SENP2: variants seen among roughly 807,000 people sequenced by gnomAD.
The protein encoded by SENP2 is sentrin-specific protease 2.
A neutral mutation model predicts 86.3 loss-of-function variants in SENP2; 16 were observed. That is an observed-to-expected ratio of 0.19 (90% confidence interval 0.13 to 0.28). The LOEUF (loss-of-function observed/expected upper bound fraction) is 0.28. Among genes scored for constraint, SENP2 ranks in the 10% least tolerant of loss-of-function variants. The probability of loss-of-function intolerance (pLI) is 1.00; values close to 1 mark genes in which losing one functional copy is unlikely to be tolerated. For missense variants in SENP2, 552 were observed against 703.0 expected (o/e 0.79, Z 2.43); for synonymous variants, 222 against 238.7 (o/e 0.93, Z 0.64).
In SENP2 at chr3:185,587,570, A is replaced by ATTTTTTTTTTTTTT. The variant is rs398052522; in HGVS notation, c.101+1057_101+1070dup. On this transcript the variant is annotated intron_variant, in intron 1 of 16. Transcript: ENST00000296257. ...CTTCAACTTTAGTGATCAAGTGTTAATTTTTTTTTTTTTTGAGAAGGAGTC... is the reference window on the plus strand; with the variant it reads ...CTTCAACTTTAGTGATCAAGTGTTAATTTTTTTTTTTTTTTTTTTTTTTTTTTTGAGAAGGAGTC... Among the ~76,000 whole-genome samples, 53 of 118,820 alleles carry ATTTTTTTTTTTTTT rather than the reference A, an allele frequency of 4.5e-4. 2 individuals carry two copies. The highest frequency in any genetic ancestry group is 1.1e-3 in the African/African-American group (36 of 31,726). 78.0% of individuals were successfully genotyped at this position (118,820 alleles called of 152,430 possible).
intron 5 of SENP2, among the ~76,000 whole-genome samples, chr3:185,601,264 C>T (rs1722335995): frequency 6.6e-6 from 1 of 151,838 alleles, no homozygotes; most frequent in South Asian, 2.1e-4. Flanking sequence ...AGGCTGGTCT[C>T]GAACTCCTGA....
intron 1 of SENP2, among the ~76,000 whole-genome samples, chr3:185,587,750 TTTGAGACAGAGTCTCA>T: frequency 7.0e-6 from 1 of 143,796 alleles, no homozygotes. Flanking sequence ...TTTTTTTTTT[TTTGAGACAGAGTCTCA>T]TTTTGTTGCC....
At chr3:185,628,773 T>G (rs1354410596) in intron 16 of SENP2, among the ~76,000 whole-genome samples, 1 of 152,220 alleles carries the variant, frequency 6.6e-6, no homozygotes, top group African/African-American at 2.4e-5. Context: ...CCCAAAGTGC[T>G]GGGATTACAG....
chr3:185,621,552 A>T (rs1451109942), intron 13 of SENP2, among the ~76,000 whole-genome samples: 1 of 151,510 alleles, frequency 6.6e-6, no homozygotes, highest in Non-Finnish European at 1.5e-5. Flanking sequence ...ATCATGCCCG[A>T]CTAATTTTTG....
intron 2 of SENP2, among the ~76,000 whole-genome samples, chr3:185,595,138 A>G (rs1193597053): frequency 6.6e-6 from 1 of 152,098 alleles, no homozygotes; most frequent in East Asian, 1.9e-4. Context: ...TCTGTTTTTT[A>G]AAAAAATCAG....
intron 15 of SENP2, 115 bp downstream of exon 15, chr3:185,624,197 ATCTTTTTTTTTCTTTCTT>A: frequency 1.6e-6 from 1 of 626,790 alleles, no homozygotes; most frequent in South Asian, 2.3e-5. Context: ...TAAAGTACAC[ATCTTTTTTTTTCTTTCTT>A]TCTTTTTTGT....
In SENP2 at chr3:185,606,384, C is replaced by T. The variant is rs753657337; in HGVS notation, c.504C>T (p.Ser168=). The T allele has an allele frequency of 6.2e-7, 1 of 1,613,478 alleles. No individual in the cohort carries two copies. The highest frequency in any genetic ancestry group is 8.5e-7 in the Non-Finnish European group (1 of 1,179,842). Residue 168 remains serine (S), a synonymous_variant, in exon 6 of 17, where the codon AGC becomes AGT. Transcript: ENST00000296257. ...GAAGACCAGGTGGCCGTCGCCATAG[C>T]AAAGGTAATCCAGAGAGTTCTTTAA... ...CNRRPGGRRH[S]KGNPESSLMW...
chr3:185,616,541 C>T (rs1450788710), intron 11 of SENP2, among the ~76,000 whole-genome samples: 6 of 151,372 alleles, frequency 4.0e-5, no homozygotes, highest in Admixed American at 2.6e-4. Flanking sequence ...TTTGGGAGGC[C>T]GAGATGGGCA....
At chr3:185,605,985 T>C (rs1268526501) in intron 5 of SENP2, among the ~76,000 whole-genome samples, 2 of 152,124 alleles carry the variant, frequency 1.3e-5, no homozygotes, top group Non-Finnish European at 2.9e-5. Flanking sequence ...ATACCAGTAA[T>C]GAATTTCAGT....
chr3:185,586,909 C>T lies in SENP2; in HGVS notation c.101+395C>T, dbSNP rs962577651. ...AGTGAGATTCATAGCTTGCCCAAAG[C>T]CGTTTTGACTGCAAGTACTGTCCTT... On this transcript the variant is annotated intron_variant, in intron 1 of 16. Coordinates refer to ENST00000296257, the MANE Select transcript of SENP2 (RefSeq NM_021627.3). The surrounding 1 kb of genome is among the most constrained non-coding windows in gnomAD (Gnocchi z 4.3). Among the ~76,000 whole-genome samples, 2 of 152,170 alleles carry T rather than the reference C, an allele frequency of 1.3e-5. No individual in the cohort carries two copies. Among genetic ancestry groups the T allele is most frequent in the Non-Finnish European group, 2.9e-5 (2 of 68,036 alleles).
At chr3:185,614,916 A>T (rs1303455716) in intron 11 of SENP2, among the ~76,000 whole-genome samples, 176 bp downstream of exon 11, 1 of 152,218 alleles carries the variant, frequency 6.6e-6, no homozygotes, top group African/African-American at 2.4e-5. Context: ...GTGAGGCATG[A>T]TCATTAGTGG....
chr3:185,586,901 G>A lies in SENP2; in HGVS notation c.101+387G>A, dbSNP rs1285579605. 2.0e-5 allele frequency among the ~76,000 whole-genome samples: 3 copies of A among 152,144 alleles called. No individual in the cohort carries two copies. On this transcript the variant is annotated intron_variant, in intron 1 of 16. Transcript: ENST00000296257. The surrounding 1 kb of genome is among the most constrained non-coding windows in gnomAD (Gnocchi z 4.3). ...GCAGTTGAAGTGAGATTCATAGCTT[G>A]CCCAAAGCCGTTTTGACTGCAAGTA...
chr3:185,626,156 A>T, intron 15 of SENP2, 142 bp from the exon 16 acceptor site: 1 of 602,244 alleles, frequency 1.7e-6, no homozygotes, highest in South Asian at 2.1e-5. Context: ...TGTTTTTTGT[A>T]TATGACTGTG....
At chr3:185,617,893 G>GTGATAC (rs1560199145) in intron 12 of SENP2, among the ~76,000 whole-genome samples, 1 of 152,146 alleles carries the variant, frequency 6.6e-6, no homozygotes, top group African/African-American at 2.4e-5. Context: ...GAAGCAGCAA[G>GTGATAC]TGATACTGTA....
chr3:185,617,994 G>T (rs765693256), intron 12 of SENP2, among the ~76,000 whole-genome samples: 1 of 152,150 alleles, frequency 6.6e-6, no homozygotes, highest in Non-Finnish European at 1.5e-5. Flanking sequence ...GTCCAGGCTG[G>T]AGTGCAATGG....
chr3:185,611,268 C>G (rs140895855), intron 7 of SENP2, among the ~76,000 whole-genome samples: 1 of 152,384 alleles, frequency 6.6e-6, no homozygotes, highest in East Asian at 1.9e-4. Flanking sequence ...CAGTGCGAGA[C>G]TCCGTCTCAA....
intron 4 of SENP2, 66 bp from the exon 5 acceptor site, chr3:185,600,699 T>C (rs1722316769): frequency 1.9e-6 from 2 of 1,069,492 alleles, no homozygotes; most frequent in South Asian, 2.7e-5. Context: ...ATTTTTTTTC[T>C]TTCCTTATGC....
chr3:185,601,083 T>C (rs917803426), intron 5 of SENP2, among the ~76,000 whole-genome samples: 1 of 146,464 alleles, frequency 6.8e-6, no homozygotes, highest in Non-Finnish European at 1.5e-5. Context: ...TTGCTCTGTT[T>C]CCCAGGCTGG....
chr3:185,620,839 A>G (rs147101040), intron 13 of SENP2, among the ~76,000 whole-genome samples: 158 of 152,080 alleles, frequency 1.0e-3, no homozygotes, highest in African/African-American at 3.8e-3. Flanking sequence ...GGTTTATTGC[A>G]GAAAAATGCA....
Sources: allele counts gnomAD v4.1 joint callset (sites outside exome capture counted in the v4.1 genomes callset), GRCh38; gene constraint gnomAD v4.1.1; non-coding constraint Gnocchi (gnomAD v3.1); transcripts MANE v1.5; gene names NCBI Gene and HGNC (gene_info 2026-07-23, HGNC 2026-07-21).